GALNT13: variants seen among roughly 807,000 people sequenced by gnomAD.
GALNT13 encodes polypeptide N-acetylgalactosaminyltransferase 13, also known as UDP-GalNAc:polypeptide N-acetylgalactosaminyltransferase 13.
A neutral mutation model predicts 64.2 loss-of-function variants in GALNT13; 28 were observed. The observed-to-expected ratio is 0.44, with a 90% CI of 0.32 to 0.60. The LOEUF is 0.60. Among genes scored for constraint, GALNT13 ranks in the 20% least tolerant of loss-of-function variants. The pLI, the probability that GALNT13 is intolerant of heterozygous loss-of-function variation, is 0.05. For synonymous variants in GALNT13, 214 were observed against 224.6 expected (o/e 0.95, Z 0.42); for missense variants, 577 against 669.8 (o/e 0.86, Z 1.53).
the GALNT13 span, among the ~76,000 whole-genome samples, chr2:153,106,496 C>G: frequency 3.9e-5 from 6 of 152,128 alleles, no homozygotes; most frequent in Non-Finnish European, 8.8e-5. Flanking sequence ...GCAAGCCCAT[C>G]CCTTCTTGCT....
the GALNT13 span, among the ~76,000 whole-genome samples, chr2:153,279,876 G>C: frequency 5.3e-5 from 8 of 151,826 alleles, no homozygotes; most frequent in Non-Finnish European, 1.2e-4. Context: ...TAATACTCGC[G>C]TCATAGAATG....
At chr2:154,437,396 C>T (rs947428345) in intron 11 of GALNT13, 15 of 431,958 alleles carry the variant, frequency 3.5e-5, no homozygotes, top group Non-Finnish European at 5.4e-5. Flanking sequence ...GTAAAGCTGA[C>T]TTCCTCAGAT....
chr2:153,074,833 C>G, the GALNT13 span, among the ~76,000 whole-genome samples: 1 of 152,140 alleles, frequency 6.6e-6, no homozygotes. Context: ...CTCCTAGGCT[C>G]CAGCGATCCT....
At chr2:153,562,101 T>A in the GALNT13 span, among the ~76,000 whole-genome samples, 1 of 135,148 alleles carries the variant, frequency 7.4e-6, no homozygotes, top group Non-Finnish European at 1.6e-5. Context: ...TGTGTGTGTG[T>A]GTGTGGTGTA....
chr2:153,848,076 T>G, the GALNT13 span, among the ~76,000 whole-genome samples: 60 of 152,176 alleles, frequency 3.9e-4, no homozygotes, highest in African/African-American at 1.3e-3. Context: ...TCAAGGCCAT[T>G]CAAGTATTCC....
At chr2:154,019,708 C>CATTTT (rs1697301973) in intron 3 of GALNT13, among the ~76,000 whole-genome samples, 2 of 145,276 alleles carry the variant, frequency 1.4e-5, no homozygotes, top group African/African-American at 5.2e-5. Flanking sequence ...TTGTTTTTTT[C>CATTTT]ATTTTATTAT....
chr2:153,900,083 T>G (rs1416047401), intron 1 of GALNT13, among the ~76,000 whole-genome samples: 4 of 151,316 alleles, frequency 2.6e-5, no homozygotes, highest in Non-Finnish European at 5.9e-5. Context: ...CTACAGGCAC[T>G]CACTACCATG....
rs1241888132 is a variant in GALNT13, at chr2:154,269,432, GT to G, written c.975+10305del. 1.9e-3 allele frequency among the ~76,000 whole-genome samples: 278 copies of G among 144,508 alleles called. 1 individual carries two copies. Among genetic ancestry groups the G allele is most frequent in the African/African-American group, 5.9e-3 (235 of 39,780 alleles). 94.8% of individuals were successfully genotyped at this position (144,508 alleles called of 152,430 possible). A position where few individuals can be genotyped will look rare whatever the true frequency, so the allele number is the denominator to read the frequency against. On this transcript the variant is annotated intron_variant, in intron 8 of 12. Coordinates refer to ENST00000392825, the MANE Select transcript of GALNT13 (RefSeq NM_052917.4). ...TTTGTCAGTGTGTAAAACTTGACTG[GT>G]TTTTTTTTTTGGATCAGTCATAGAA...
chr2:153,717,565 G>A, the GALNT13 span, among the ~76,000 whole-genome samples: 2 of 152,136 alleles, frequency 1.3e-5, no homozygotes, highest in African/African-American at 4.8e-5. Context: ...TTATGTCAAC[G>A]TTATTGCTTA....
the GALNT13 span, among the ~76,000 whole-genome samples, chr2:153,578,056 C>T: frequency 6.6e-6 from 1 of 151,980 alleles, no homozygotes; most frequent in Non-Finnish European, 1.5e-5. Flanking sequence ...TATGTGTCTT[C>T]AGAATCTTTT....
At chr2:154,333,426 C>T (rs76597455) in intron 9 of GALNT13, among the ~76,000 whole-genome samples, 10,074 of 151,990 alleles carry the variant, frequency 0.066, 392 homozygotes, top group African/African-American at 0.089. Flanking sequence ...CGTTAAAGAA[C>T]ATGTATAACT....
At chr2:153,167,217 C>G in the GALNT13 span, among the ~76,000 whole-genome samples, 1 of 152,206 alleles carries the variant, frequency 6.6e-6, no homozygotes, top group Non-Finnish European at 1.5e-5. Flanking sequence ...CCATTGGCAT[C>G]ACATAATATG....
chr2:153,844,573 T>C, the GALNT13 span, among the ~76,000 whole-genome samples: 15,784 of 152,300 alleles, frequency 0.1, 1,032 homozygotes, highest in African/African-American at 0.17. Context: ...GAGGACTTGG[T>C]TCCTTTGTAG....
At chr2:153,516,701 A>G in the GALNT13 span, among the ~76,000 whole-genome samples, 1 of 152,174 alleles carries the variant, frequency 6.6e-6, no homozygotes, top group Non-Finnish European at 1.5e-5. Context: ...AGGAAATTGT[A>G]GTAGCATCAT....
the GALNT13 span, among the ~76,000 whole-genome samples, chr2:153,659,895 G>T: frequency 6.6e-6 from 1 of 152,136 alleles, no homozygotes; most frequent in Non-Finnish European, 1.5e-5. Context: ...CCAGGAGATA[G>T]TCTAAAGTAT....
intron 1 of GALNT13, among the ~76,000 whole-genome samples, chr2:153,892,138 T>C (rs555504884): frequency 6.6e-6 from 1 of 152,132 alleles, no homozygotes. Flanking sequence ...CTCACATGCC[T>C]CCCATTTTAG....
At chr2:154,400,779 G>T (rs1699265950) in intron 10 of GALNT13, among the ~76,000 whole-genome samples, 1 of 152,096 alleles carries the variant, frequency 6.6e-6, no homozygotes, top group Admixed American at 6.6e-5. Context: ...TGAGCTCTTT[G>T]CAGCATTAAA....
In GALNT13 at chr2:154,201,263, A is replaced by G. The variant is rs79942585; in HGVS notation, c.312-40767A>G. 6.8e-3 allele frequency among the ~76,000 whole-genome samples: 1,035 copies of G among 152,242 alleles called. 9 individuals carry two copies. The highest frequency in any genetic ancestry group is 0.024 in the African/African-American group (1,001 of 41,562). ...AATAGAAAGTCTTCCATGAATGTGT[A>G]TTCATGACAGCATGAGAGAATAATT... is the stretch of plus-strand genomic sequence containing the variant. On this transcript the variant is annotated intron_variant, in intron 4 of 12. Coordinates refer to ENST00000392825, the MANE Select transcript of GALNT13 (RefSeq NM_052917.4).
chr2:154,089,194 T>G (rs1399521652), intron 3 of GALNT13, among the ~76,000 whole-genome samples: 1 of 152,114 alleles, frequency 6.6e-6, no homozygotes, highest in African/African-American at 2.4e-5. Flanking sequence ...TCTGTTCTTA[T>G]GGACTGCCTA....
Sources: gnomAD v4.1 joint callset for allele counts (sites outside exome capture counted in the v4.1 genomes callset) on GRCh38, gnomAD v4.1.1 for gene constraint, MANE v1.5 for transcripts, NCBI Gene and HGNC (gene_info 2026-07-23, HGNC 2026-07-21) for gene names.